CDH22: variants seen among roughly 807,000 people sequenced by gnomAD.
CDH22 encodes cadherin 22.
A neutral mutation model predicts 58.4 loss-of-function variants in CDH22; 30 were observed. The ratio of observed to expected loss-of-function variants is 0.51; its 90% CI spans 0.38 to 0.70. The LOEUF (loss-of-function observed/expected upper bound fraction) is 0.70. Among genes scored for constraint, CDH22 ranks in the 30% least tolerant of loss-of-function variants. The probability of loss-of-function intolerance (pLI) is 0.00; values close to 1 mark genes in which losing one functional copy is unlikely to be tolerated. For missense variants in CDH22, 1,014 were observed against 1,233.9 expected (o/e 0.82, Z 2.67); for synonymous variants, 513 against 558.2 (o/e 0.92, Z 1.14).
chr20:46,252,292 TG>T (rs913665920), intron 1 of CDH22, among the ~76,000 whole-genome samples: 1 of 152,194 alleles, frequency 6.6e-6, no homozygotes, highest in Non-Finnish European at 1.5e-5. Flanking sequence ...CCAGAGGGCC[TG>T]GCTTGGAGAC....
chr20:46,205,774 C>T (rs1482637400), intron 7 of CDH22, among the ~76,000 whole-genome samples: 2 of 152,168 alleles, frequency 1.3e-5, no homozygotes, highest in Non-Finnish European at 2.9e-5. Context: ...CATTCAATGT[C>T]CTTCGCAGCC....
intron 1 of CDH22, among the ~76,000 whole-genome samples, chr20:46,303,262 C>T (rs2086660165): frequency 6.6e-6 from 1 of 152,196 alleles, no homozygotes; most frequent in Non-Finnish European, 1.5e-5. Flanking sequence ...CCTTGGTACC[C>T]CTTGGCATGG....
At chr20:46,238,602 T>A (rs934978023) in intron 3 of CDH22, among the ~76,000 whole-genome samples, 1 of 152,250 alleles carries the variant, frequency 6.6e-6, no homozygotes, top group African/African-American at 2.4e-5. Context: ...TCAATCTCAG[T>A]AAATGGAAAT....
At chr20:46,258,247 C>T (rs936927988) in intron 1 of CDH22, among the ~76,000 whole-genome samples, 2 of 152,120 alleles carry the variant, frequency 1.3e-5, no homozygotes, top group East Asian at 1.9e-4. Flanking sequence ...TGTGGGTGGG[C>T]GATGGTCCCT....
At chr20:46,292,159 T>C (rs2086606661) in intron 1 of CDH22, among the ~76,000 whole-genome samples, 1 of 152,182 alleles carries the variant, frequency 6.6e-6, no homozygotes, top group Non-Finnish European at 1.5e-5. Flanking sequence ...GACTTAGGTC[T>C]CTCCAGCCAA....
chr20:46,246,260 G>A (rs1190043599), intron 2 of CDH22, among the ~76,000 whole-genome samples: 1 of 152,208 alleles, frequency 6.6e-6, no homozygotes, highest in African/African-American at 2.4e-5. Context: ...TGAGGGGTCT[G>A]TTCACGACTG....
chr20:46,184,103 C>CT lies in CDH22; in HGVS notation c.1663+2484dup, dbSNP rs34100273. On this transcript the variant is annotated intron_variant, in intron 10 of 11. Coordinates refer to ENST00000537909, the MANE Select transcript of CDH22 (RefSeq NM_021248.3). ...TCCTCTTACCCTGCTTTCTCTCTCT[C>CT]TTTTTTTTTTTTTAGATGGAGTTTC... 5.9e-3 allele frequency among the ~76,000 whole-genome samples: 865 copies of CT among 145,928 alleles called. 5 individuals carry two copies. The highest frequency in any genetic ancestry group is 0.019 in the African/African-American group (743 of 39,820).
chr20:46,174,847 C>CCCCCCCG lies in CDH22; in HGVS notation c.2145_2146insCGGGGGG (p.Gly716ArgfsTer164). ...GCCTGCGGGGGGCTGCCCGCGCCCCCGCCCGAGCCCCCGCCCGCTCCCCCG... is the reference window on the plus strand; with the variant it reads ...GCCTGCGGGGGGCTGCCCGCGCCCCCCCCCCCGGCCCGAGCCCCCGCCCGCTCCCCCG... On this transcript the variant is annotated frameshift_variant, in exon 12 of 12. Coordinates refer to ENST00000537909, the MANE Select transcript of CDH22 (RefSeq NM_021248.3). LOFTEE classifies it low-confidence loss of function (END_TRUNC). The surrounding 1 kb of genome is among the most constrained non-coding windows in gnomAD (Gnocchi z 4.4). 28 of 1,294,072 alleles carry CCCCCCCG rather than the reference C, an allele frequency of 2.2e-5. No individual in the cohort carries two copies. Among genetic ancestry groups the CCCCCCCG allele is most frequent in the Non-Finnish European group, 2.6e-5 (27 of 1,020,756 alleles). The allele number at this position is 1,294,072 out of a possible 1,614,324, so 80.2% of individuals were successfully genotyped here.
intron 1 of CDH22, among the ~76,000 whole-genome samples, chr20:46,305,399 G>A (rs1372814028): frequency 6.6e-6 from 1 of 152,212 alleles, no homozygotes; most frequent in African/African-American, 2.4e-5. Context: ...CTTGCGGGGG[G>A]CATGAGGCTT....
chr20:46,272,600 A>G (rs945050899), intron 1 of CDH22, among the ~76,000 whole-genome samples: 2 of 152,226 alleles, frequency 1.3e-5, no homozygotes, highest in African/African-American at 4.8e-5. Flanking sequence ...GAGGCCATCC[A>G]AGAGACTGTC....
chr20:46,218,401 C>T (rs1403701370), intron 4 of CDH22, among the ~76,000 whole-genome samples: 1 of 152,226 alleles, frequency 6.6e-6, no homozygotes, highest in African/African-American at 2.4e-5. Context: ...CAGTAACACA[C>T]AGCCCAGAGC....
At chr20:46,259,694 G>A (rs1191613754) in intron 1 of CDH22, among the ~76,000 whole-genome samples, 1 of 152,156 alleles carries the variant, frequency 6.6e-6, no homozygotes, top group African/African-American at 2.4e-5. Context: ...ATCCTTGAAA[G>A]GTGAGGAGGA....
intron 4 of CDH22, among the ~76,000 whole-genome samples, chr20:46,226,258 TCTTC>T (rs2086171799): frequency 1.3e-5 from 1 of 75,162 alleles, no homozygotes; most frequent in Non-Finnish European, 3.3e-5. Context: ...TTCTTCTTCT[TCTTC>T]TTCTTCTTCT....
chr20:46,186,737 G>T (rs1439172682), intron 9 of CDH22, 32 bp from the exon 10 acceptor site: 2 of 1,609,732 alleles, frequency 1.2e-6, no homozygotes, highest in South Asian at 1.1e-5. Flanking sequence ...GAGGGCTAGT[G>T]GTGAGGCTGA....
intron 8 of CDH22, among the ~76,000 whole-genome samples, chr20:46,196,952 G>A (rs1031845557): frequency 6.6e-6 from 1 of 152,126 alleles, no homozygotes; most frequent in Admixed American, 6.5e-5. Context: ...GTGAGGAGTG[G>A]GCAGGGGCTG....
intron 8 of CDH22, among the ~76,000 whole-genome samples, chr20:46,196,690 G>A (rs1052340625): frequency 5.3e-5 from 8 of 152,136 alleles, no homozygotes; most frequent in Non-Finnish European, 7.4e-5. Context: ...AAATGACTTC[G>A]CCTTGCTGAG....
At chr20:46,212,469 T>G (rs2086050335) in intron 6 of CDH22, among the ~76,000 whole-genome samples, 1 of 152,140 alleles carries the variant, frequency 6.6e-6, no homozygotes, top group Admixed American at 6.5e-5. Context: ...CAGTTTGAGT[T>G]TCTGGTTCCT....
chr20:46,231,382 C>T (rs996836013), intron 3 of CDH22, among the ~76,000 whole-genome samples: 3 of 152,158 alleles, frequency 2.0e-5, no homozygotes, highest in Non-Finnish European at 1.5e-5. Context: ...GGAGCCCCAT[C>T]CCTGACCAAT....
intron 1 of CDH22, among the ~76,000 whole-genome samples, chr20:46,256,397 A>G (rs1257298888): frequency 6.6e-6 from 1 of 152,188 alleles, no homozygotes; most frequent in Non-Finnish European, 1.5e-5. Context: ...TTAAGATGAG[A>G]TTTAAACAGA....
Sources: gnomAD v4.1 joint callset for allele counts (sites outside exome capture counted in the v4.1 genomes callset) on GRCh38, gnomAD v4.1.1 for gene constraint, Gnocchi (gnomAD v3.1) non-coding constraint, MANE v1.5 for transcripts, NCBI Gene and HGNC (gene_info 2026-07-23, HGNC 2026-07-21) for gene names.